The following CENPP variants were observed in gnomAD, a reference collection of about 807,000 sequenced individuals.
CENPP encodes the protein centromere protein P.
Under a neutral mutation model 35.6 loss-of-function variants are expected in CENPP, and 24 were observed. The ratio of observed to expected loss-of-function variants is 0.67; its 90% CI spans 0.49 to 0.95. The LOEUF is 0.95. Among genes scored for constraint, CENPP ranks in the 40% least tolerant of loss-of-function variants. CENPP has a pLI of 0.00. For synonymous variants in CENPP, 120 were observed against 125.5 expected (o/e 0.96, Z 0.29); for missense variants, 332 against 345.3 (o/e 0.96, Z 0.31).
chr9:92,614,849 G>C lies in CENPP; in HGVS notation c.*1700G>C, dbSNP rs1195679459. ...AGAACCCTCTCGGCAGCAGCCAGGAGCTGTTCACCTTCCAGAAGCAGGGCC... is the reference window on the plus strand; with the variant it reads ...AGAACCCTCTCGGCAGCAGCCAGGACCTGTTCACCTTCCAGAAGCAGGGCC... On this transcript the variant is annotated 3_prime_UTR_variant, in exon 8 of 8. Transcript: ENST00000375587. 1 of 152,658 alleles carries C rather than the reference G, an allele frequency of 6.6e-6. No homozygotes were observed. The highest frequency in any genetic ancestry group is 2.4e-5 in the African/African-American group (1 of 41,456). 9.5% of individuals were successfully genotyped at this position (152,658 alleles called of 1,614,324 possible).
rs1371319121 is a variant in CENPP at position 92,613,175 on chromosome 9, G to A, written c.*26G>A. The stretch of plus-strand genomic sequence containing the variant: ...TTCCAAAACAGTGAACGTGGAGGAT[G>A]AAGATGCTGCGTGGAGGAACATGCA... On this transcript the variant is annotated 3_prime_UTR_variant, in exon 8 of 8. Coordinates refer to ENST00000375587, the MANE Select transcript of CENPP (RefSeq NM_001012267.3). The A allele has an allele frequency of 5.6e-6, 9 of 1,613,880 alleles. No individual in the cohort carries two copies. Among genetic ancestry groups the A allele is most frequent in the South Asian group, 1.1e-5 (1 of 91,042 alleles).
chr9:92,336,937 A>T (rs1183728060), intron 2 of CENPP, among the ~76,000 whole-genome samples: 1 of 152,228 alleles, frequency 6.6e-6, no homozygotes, highest in Non-Finnish European at 1.5e-5. Flanking sequence ...GTGTTGAAAA[A>T]ATAAAAAGCA....
intron 5 of CENPP, among the ~76,000 whole-genome samples, chr9:92,561,184 C>T (rs1480445443): frequency 6.6e-6 from 1 of 152,150 alleles, no homozygotes; most frequent in Non-Finnish European, 1.5e-5. Flanking sequence ...TCATACACAG[C>T]TTAAATTGCC....
rs947135763 is a variant in CENPP at position 92,461,642 on chromosome 9, C to T, written c.564+81783C>T. ...GACATTCAGATAAAAGCAAATCAGC[C>T]TTTCACCTGAGGGTCTTAGCATTCA... On this transcript the variant is annotated intron_variant, in intron 5 of 7. Coordinates refer to ENST00000375587, the MANE Select transcript of CENPP (RefSeq NM_001012267.3). 4.0e-5 allele frequency among the ~76,000 whole-genome samples: 6 copies of T among 151,586 alleles called. No homozygotes were observed. In the South Asian group the frequency reaches 8.3e-4, roughly 21 times the overall value.
At chr9:92,498,483 GAAGT>G (rs1846487447) in intron 5 of CENPP, among the ~76,000 whole-genome samples, 1 of 151,716 alleles carries the variant, frequency 6.6e-6, no homozygotes, top group Non-Finnish European at 1.5e-5. Flanking sequence ...GACAATCATA[GAAGT>G]AAGACTTCTC....
chr9:92,557,629 AGCATTTC>A (rs1849755204), intron 5 of CENPP, among the ~76,000 whole-genome samples: 2 of 151,772 alleles, frequency 1.3e-5, no homozygotes, highest in Non-Finnish European at 1.5e-5. Context: ...GACTTTCCAG[AGCATTTC>A]GCATTTCTTT....
At chr9:92,604,288 C>A (rs997809724) in intron 5 of CENPP, among the ~76,000 whole-genome samples, 2 of 152,190 alleles carry the variant, frequency 1.3e-5, no homozygotes, top group African/African-American at 2.4e-5. Context: ...TCCCTAATGA[C>A]TAATGATGTA....
chr9:92,478,611 C>T (rs1845797319), intron 5 of CENPP, among the ~76,000 whole-genome samples: 1 of 151,986 alleles, frequency 6.6e-6, no homozygotes, highest in African/African-American at 2.4e-5. Context: ...TGCCATCATG[C>T]CTGGCTAATT....
At chr9:92,559,689 TG>T (rs772244097) in intron 5 of CENPP, among the ~76,000 whole-genome samples, 34 of 152,110 alleles carry the variant, frequency 2.2e-4, no homozygotes, top group Non-Finnish European at 4.0e-4. Context: ...TTCATAGAGA[TG>T]GGGTCTCACT....
At chr9:92,409,409 T>C (rs1217717222) in intron 5 of CENPP, among the ~76,000 whole-genome samples, 3 of 152,166 alleles carry the variant, frequency 2.0e-5, no homozygotes, top group African/African-American at 4.8e-5. Flanking sequence ...ACAGACAAGG[T>C]TTATTTCTTC....
Position 92,335,116 on chromosome 9 carries a change from C to T in CENPP, c.290-2425C>T, listed in dbSNP as rs565665538. ...TTGCAGTGAGTGGAGATGGTGCCACCGCACTCCAGCCTGGGCGACAGAACG... is the reference window on the plus strand; with the variant it reads ...TTGCAGTGAGTGGAGATGGTGCCACTGCACTCCAGCCTGGGCGACAGAACG... On this transcript the variant is annotated intron_variant, in intron 2 of 7. Coordinates refer to ENST00000375587, the MANE Select transcript of CENPP (RefSeq NM_001012267.3). Among the ~76,000 whole-genome samples the T allele has an allele frequency of 6.6e-5, 10 of 151,940 alleles. No individual in the cohort carries two copies. The East Asian group carries it at 7.8e-4, about 12-fold the overall frequency.
At chr9:92,570,924 A>C (rs1307919705) in intron 5 of CENPP, among the ~76,000 whole-genome samples, 1 of 152,072 alleles carries the variant, frequency 6.6e-6, no homozygotes, top group African/African-American at 2.4e-5. Flanking sequence ...TGGTGGTGAT[A>C]TCCCCTTTAT....
intron 5 of CENPP, among the ~76,000 whole-genome samples, chr9:92,462,440 AC>A (rs1845150047): frequency 6.6e-6 from 1 of 152,220 alleles, no homozygotes; most frequent in African/African-American, 2.4e-5. Context: ...AAAGGGACTG[AC>A]CAGAAGATTC....
At chr9:92,516,431 A>G (rs1847727270) in intron 5 of CENPP, among the ~76,000 whole-genome samples, 1 of 152,108 alleles carries the variant, frequency 6.6e-6, no homozygotes, top group Admixed American at 6.5e-5. Context: ...TTTATTTAAC[A>G]CTATATATAA....
At chr9:92,358,765 T>G (rs1173471433) in intron 4 of CENPP, among the ~76,000 whole-genome samples, 5 of 152,044 alleles carry the variant, frequency 3.3e-5, no homozygotes, top group African/African-American at 1.2e-4. Flanking sequence ...GTATTGATAT[T>G]TCTATTGTGT....
intron 5 of CENPP, among the ~76,000 whole-genome samples, chr9:92,535,494 A>G (rs1849112595): frequency 6.6e-6 from 1 of 152,214 alleles, no homozygotes; most frequent in South Asian, 2.1e-4. Context: ...ATTTTTCTTC[A>G]TTTAAAATTT....
At chr9:92,560,182 G>A (rs1301769113) in intron 5 of CENPP, among the ~76,000 whole-genome samples, 4 of 152,110 alleles carry the variant, frequency 2.6e-5, no homozygotes, top group South Asian at 2.1e-4. Flanking sequence ...ACAGAAAAAC[G>A]TAATCCGTCA....
At chr9:92,587,638 C>T (rs1850572923) in intron 5 of CENPP, among the ~76,000 whole-genome samples, 2 of 152,278 alleles carry the variant, frequency 1.3e-5, no homozygotes, top group Non-Finnish European at 2.9e-5. Context: ...GTATCCACAA[C>T]AGATAAATCC....
At chr9:92,604,736 A>G (rs1288985292) in intron 5 of CENPP, among the ~76,000 whole-genome samples, 1 of 151,954 alleles carries the variant, frequency 6.6e-6, no homozygotes, top group Non-Finnish European at 1.5e-5. Flanking sequence ...CTGGGATTAA[A>G]GGCATGTGAC....
Sources: allele counts gnomAD v4.1 joint callset (sites outside exome capture counted in the v4.1 genomes callset), GRCh38; gene constraint gnomAD v4.1.1; transcripts MANE v1.5; gene names NCBI Gene and HGNC (gene_info 2026-07-23, HGNC 2026-07-21).